Variants in HOOK1 observed in about 807,000 individuals in gnomAD.
HOOK1 encodes the protein hook microtubule tethering protein 1.
HOOK1 carries 60 observed loss-of-function variants against 112.8 expected under a neutral mutation model. The ratio of observed to expected loss-of-function variants is 0.53; its 90% CI spans 0.43 to 0.66. The LOEUF is 0.66. HOOK1 is among the 30% of genes least tolerant of loss of function. The probability of loss-of-function intolerance (pLI) is 0.00; values close to 1 mark genes in which losing one functional copy is unlikely to be tolerated. For missense variants in HOOK1, 770 were observed against 856.0 expected, an observed-to-expected ratio of 0.90 and a Z score of 1.25; for synonymous variants, 294 against 283.8, an observed-to-expected ratio of 1.04 and a Z score of -0.36.
intron 3 of HOOK1, among the ~76,000 whole-genome samples, chr1:59,831,288 T>C (rs2098393788): frequency 6.6e-6 from 1 of 152,222 alleles, no homozygotes; most frequent in Non-Finnish European, 1.5e-5. Flanking sequence ...AGTTATTCTT[T>C]CCTTTAGGAC....
chr1:59,821,426 A>T (rs1463512431), intron 1 of HOOK1, among the ~76,000 whole-genome samples: 1 of 152,234 alleles, frequency 6.6e-6, no homozygotes, highest in Non-Finnish European at 1.5e-5. Flanking sequence ...AACTGTAAGT[A>T]GGTTTAGACT....
In HOOK1 at chr1:59,815,567, G is replaced by C. The variant is rs546237987; in HGVS notation, c.63+387G>C. ...CACTTTCTGGATCGCCGACTCTCTT[G>C]CCTTGGTCCGCTTGGGCGTGAAGAC... On this transcript the variant is annotated intron_variant, in intron 1 of 21. Transcript: ENST00000371208. Among the ~76,000 whole-genome samples, 3 of 151,984 alleles carry C rather than the reference G, an allele frequency of 2.0e-5. No individual in the cohort carries two copies. The East Asian group carries it at 5.9e-4, about 30-fold the overall frequency.
chr1:59,828,465 G>A (rs1390043905), intron 2 of HOOK1, among the ~76,000 whole-genome samples: 1 of 152,084 alleles, frequency 6.6e-6, no homozygotes, highest in Non-Finnish European at 1.5e-5. Flanking sequence ...GAAATAACTT[G>A]GAACAATATC....
intron 20 of HOOK1, among the ~76,000 whole-genome samples, 153 bp downstream of exon 20, chr1:59,868,504 G>A (rs1016931866): frequency 5.3e-5 from 8 of 152,192 alleles, no homozygotes; most frequent in Non-Finnish European, 7.3e-5. Context: ...GCATCTCACT[G>A]GCCGCCCAAT....
At position 59,875,488 on chromosome 1, in the gene HOOK1, A is replaced by G. The variant is rs1310633132; in HGVS notation, c.*2523A>G. 1 of 152,616 alleles carries G rather than the reference A, an allele frequency of 6.6e-6. No individual in the cohort carries two copies. Among genetic ancestry groups the G allele is most frequent in the Admixed American group, 6.5e-5 (1 of 15,278 alleles). The allele number at this position is 152,616 out of a possible 1,614,324, so 9.5% of individuals were successfully genotyped here. ...CACATCTGGTTAATGTAGTGAGTTG[A>G]CACCCTGTGGGTGGTAAAGCATTAT... On this transcript the variant is annotated 3_prime_UTR_variant, in exon 22 of 22. Coordinates refer to ENST00000371208, the MANE Select transcript of HOOK1 (RefSeq NM_015888.6).
chr1:59,862,664 G>A (rs1014754436), intron 15 of HOOK1, 120 bp from the exon 16 acceptor site: 9 of 611,638 alleles, frequency 1.5e-5, no homozygotes, highest in East Asian at 2.7e-5. Context: ...TAATTATTCC[G>A]CATTTGTCAT....
chr1:59,848,863 T>G (rs992548487), intron 11 of HOOK1, among the ~76,000 whole-genome samples: 1 of 151,600 alleles, frequency 6.6e-6, no homozygotes, highest in African/African-American at 2.4e-5. Flanking sequence ...ACTTTTAATT[T>G]CTTTGGCAAA....
chr1:59,868,685 G>C (rs942202165), intron 20 of HOOK1, among the ~76,000 whole-genome samples: 1 of 152,078 alleles, frequency 6.6e-6, no homozygotes, highest in African/African-American at 2.4e-5. Context: ...ATATAAACCT[G>C]ACCTTTACCG....
At chr1:59,841,588 A>G (rs948799961) in intron 8 of HOOK1, among the ~76,000 whole-genome samples, 5 of 152,096 alleles carry the variant, frequency 3.3e-5, no homozygotes, top group African/African-American at 1.2e-4. Flanking sequence ...TCCTAACTAC[A>G]TATTGTAACA....
chr1:59,834,862 C>T (rs547097865), intron 5 of HOOK1, among the ~76,000 whole-genome samples: 20 of 151,968 alleles, frequency 1.3e-4, no homozygotes, highest in Middle Eastern at 6.9e-3. Context: ...TTATCTCATA[C>T]GTTTTTCTTG....
chr1:59,862,635 T>C, intron 15 of HOOK1, 149 bp from the exon 16 acceptor site: 1 of 530,128 alleles, frequency 1.9e-6, no homozygotes, highest in Non-Finnish European at 3.5e-6. Flanking sequence ...CCCTACTTCA[T>C]ATTGTACCTA....
At position 59,872,911 on chromosome 1, in the gene HOOK1, C is replaced by T. The variant is rs1042905568; in HGVS notation, c.2133C>T (p.Ile711=). 6 of 1,523,710 alleles carry T rather than the reference C, an allele frequency of 3.9e-6. No individual in the cohort carries two copies. Among genetic ancestry groups the T allele is most frequent in the African/African-American group, 1.4e-5 (1 of 72,372 alleles). The allele number at this position is 1,523,710 out of a possible 1,614,324, so 94.4% of individuals were successfully genotyped here. The change falls in exon 22 of 22, where the codon ATC becomes ATT. Residue 711 remains isoleucine, a synonymous_variant. Coordinates refer to ENST00000371208, the MANE Select transcript of HOOK1 (RefSeq NM_015888.6). The part of the protein sequence containing the change: ...ARSFLAQQRH[I]TNTRRNLSVK... ...CTTTCTTAGCGCAGCAACGGCACAT[C>T]ACCAACACCAGAAGAAATCTCTCTG...
chr1:59,865,185 G>A lies in HOOK1; in HGVS notation c.1684G>A (p.Glu562Lys). Residue 562 changes from glutamate (E) to lysine (K), a missense_variant, in exon 18 of 22, where the codon GAA becomes AAA. By Grantham distance (56) the Glu-to-Lys change is moderately conservative. Coordinates refer to ENST00000371208, the MANE Select transcript of HOOK1 (RefSeq NM_015888.6). ...AHMEKLTEVHEELQKKQELIE... is the reference protein window; with the variant it reads ...AHMEKLTEVHKELQKKQELIE... The stretch of plus-strand genomic sequence containing the variant: ...TAGGGAAAAACTCACAGAGGTCCAT[G>A]AAGAATTACAGAAGAAACAAGAACT... The A allele has an allele frequency of 6.2e-7, 1 of 1,606,844 alleles. No individual in the cohort carries two copies. Among genetic ancestry groups the A allele is most frequent in the Non-Finnish European group, 8.5e-7 (1 of 1,173,544 alleles).
chr1:59,863,892 A>G (rs1380725527), intron 16 of HOOK1: 5 of 862,282 alleles, frequency 5.8e-6, no homozygotes, highest in Non-Finnish European at 5.6e-6. Flanking sequence ...TCTAATACAA[A>G]TATTATTTTA....
chr1:59,840,768 C>A (rs539366867), intron 8 of HOOK1, among the ~76,000 whole-genome samples: 3 of 152,198 alleles, frequency 2.0e-5, no homozygotes, highest in African/African-American at 7.2e-5. Flanking sequence ...ACTTCCCCCC[C>A]AGTAAATTCA....
chr1:59,867,715 A>G (rs908745347), intron 19 of HOOK1, among the ~76,000 whole-genome samples: 3 of 152,132 alleles, frequency 2.0e-5, no homozygotes, highest in Non-Finnish European at 4.4e-5. Flanking sequence ...AATGCGATTC[A>G]GCACCCTACC....
chr1:59,831,759 T>C (rs138535109), intron 3 of HOOK1, among the ~76,000 whole-genome samples: 96 of 152,296 alleles, frequency 6.3e-4, no homozygotes, highest in African/African-American at 2.3e-3. Flanking sequence ...TCTGTTTGTT[T>C]TCATTCTTTC....
intron 7 of HOOK1, among the ~76,000 whole-genome samples, chr1:59,838,689 G>T (rs908231384): frequency 6.6e-6 from 1 of 152,114 alleles, no homozygotes; most frequent in Admixed American, 6.5e-5. Flanking sequence ...CTGTGCAGAA[G>T]CTCTTTAGTT....
intron 4 of HOOK1, among the ~76,000 whole-genome samples, chr1:59,832,971 T>G (rs2098395086): frequency 6.6e-6 from 1 of 152,118 alleles, no homozygotes; most frequent in Admixed American, 6.6e-5. Context: ...GAAAAAAAAT[T>G]AATCCATTAG....
Sources: allele counts gnomAD v4.1 joint callset (sites outside exome capture counted in the v4.1 genomes callset), GRCh38; gene constraint gnomAD v4.1.1; transcripts MANE v1.5; gene names NCBI Gene and HGNC (gene_info 2026-07-23, HGNC 2026-07-21).